The following LRRC9 variants were observed in gnomAD, a reference collection of about 807,000 sequenced individuals.
LRRC9 encodes leucine-rich repeat-containing protein 9.
LRRC9 carries 122 observed loss-of-function variants against 63.2 expected under a neutral mutation model. The ratio of observed to expected loss-of-function variants is 1.93; its 90% CI spans 1.67 to 2.24. LRRC9 has a LOEUF of 2.24. LRRC9 is among the 30% of genes most tolerant of loss of function. The pLI, the probability that LRRC9 is intolerant of heterozygous loss-of-function variation, is 0.00. For missense variants in LRRC9, 1,071 were observed against 627.7 expected (o/e 1.71, Z -7.55); for synonymous variants, 366 against 213.1 (o/e 1.72, Z -6.25).
chr14:59,960,038 T>C lies in LRRC9; in HGVS notation c.1079+24T>C, dbSNP rs924528285. ...GAGTATGTTTAATTAATTATCTAGT[T>C]GTTCTGATCTGAAATGGAGAGAATC... On this transcript the variant is annotated intron_variant, in intron 9 of 31. Transcript: ENST00000445360. 4.8e-6 allele frequency: 3 copies of C among 626,376 alleles called. No individual in the cohort carries two copies. The African/African-American group carries it at 5.5e-5, about 11-fold the overall frequency. 38.8% of individuals were successfully genotyped at this position (626,376 alleles called of 1,614,324 possible).
chr14:60,046,943 G>A (rs986766189), intron 29 of LRRC9, among the ~76,000 whole-genome samples: 1 of 152,262 alleles, frequency 6.6e-6, no homozygotes, highest in Non-Finnish European at 1.5e-5. Flanking sequence ...CCGAGCAGTA[G>A]TTTGTAGTTC....
Position 59,930,928 on chromosome 14 carries a change from G to A in LRRC9, c.278G>A (p.Gly93Asp). ...CCTTTTCTTTTACAGAAAATTGAAG[G>A]TCTTCAAGAATGTAGAAATTTGGAA... The change falls in exon 4 of 32, where the codon GGT becomes GAT. Residue 93 changes from glycine to aspartate, a missense_variant. By Grantham distance (94) the Gly-to-Asp change is moderately conservative (BLOSUM62 -1). Coordinates refer to ENST00000445360, the Ensembl canonical transcript of LRRC9. This position sits in a 1 kb window ranked among gnomAD's most constrained non-coding sequence, Gnocchi z 4.9. 2.3e-6 allele frequency: 1 copy of A among 435,036 alleles called. No homozygotes were observed. Among genetic ancestry groups the A allele is most frequent in the Middle Eastern group, 6.3e-4 (1 of 1,592 alleles). The allele number at this position is 435,036 out of a possible 1,614,324, so 26.9% of individuals were successfully genotyped here. A position where few individuals can be genotyped will look rare whatever the true frequency, so the allele number is the denominator to read the frequency against.
rs116149378 is a variant in LRRC9, at chr14:60,046,855, G to A, written c.3991-6210G>A. Reference sequence around the variant, plus strand: ...TCAATAAATTACTTTTGCTGATATGGCCATTTTCACAATATTGATTCTTCC... The same window carrying A: ...TCAATAAATTACTTTTGCTGATATGACCATTTTCACAATATTGATTCTTCC... On this transcript the variant is annotated intron_variant, in intron 29 of 31. Transcript: ENST00000445360. Among the ~76,000 whole-genome samples, 857 of 152,208 alleles carry A rather than the reference G, an allele frequency of 5.6e-3. 11 individuals are homozygous for A. The highest frequency in any genetic ancestry group is 0.02 in the African/African-American group (836 of 41,522).
At chr14:60,005,604 A>G (rs778582445) in intron 21 of LRRC9, among the ~76,000 whole-genome samples, 3 of 152,072 alleles carry the variant, frequency 2.0e-5, no homozygotes, top group Non-Finnish European at 2.9e-5. Context: ...AACATTGTAC[A>G]GTCCCACAAT....
chr14:59,952,821 G>A (rs555265945), intron 8 of LRRC9, among the ~76,000 whole-genome samples: 17 of 152,076 alleles, frequency 1.1e-4, no homozygotes, highest in Admixed American at 6.5e-4. Context: ...CCCCCACCTC[G>A]CAACAGGACC....
In LRRC9 at chr14:59,924,538, C is replaced by T. The variant is rs191240410; in HGVS notation, c.-33-3373C>T. ...ACTGTCTCCACTGCCTCTACCACCA[C>T]CCTACTCCAATCACCATCCTCTCCC... On this transcript the variant is annotated intron_variant, in intron 1 of 31. Coordinates refer to ENST00000445360, the Ensembl canonical transcript of LRRC9. 5.3e-4 allele frequency among the ~76,000 whole-genome samples: 80 copies of T among 152,288 alleles called. 1 individual carries two copies. The highest frequency in any genetic ancestry group is 1.7e-3 in the African/African-American group (71 of 41,566).
intron 8 of LRRC9, among the ~76,000 whole-genome samples, chr14:59,954,106 C>CT (rs1883465567): frequency 6.6e-6 from 1 of 152,194 alleles, no homozygotes; most frequent in Non-Finnish European, 1.5e-5. Flanking sequence ...ATGCCTTCAG[C>CT]TTTATTCTTC....
Position 59,984,861 on chromosome 14 carries a change from T to A in LRRC9, c.2092-244T>A, listed in dbSNP as rs1054294996. On this transcript the variant is annotated intron_variant, in intron 16 of 31. Coordinates refer to ENST00000445360, the Ensembl canonical transcript of LRRC9. ...CAATTGCTGACAAACTTAGACCAAG[T>A]AAGAAATCATATTAATCAAGAACCA... 7.2e-5 allele frequency among the ~76,000 whole-genome samples: 11 copies of A among 152,322 alleles called. No homozygotes were observed. The East Asian group carries it at 2.1e-3, about 29-fold the overall frequency.
chr14:60,050,788 T>C (rs557605939), intron 29 of LRRC9, among the ~76,000 whole-genome samples: 1 of 152,060 alleles, frequency 6.6e-6, no homozygotes, highest in Non-Finnish European at 1.5e-5. Flanking sequence ...TCTTGTCTGT[T>C]TGTTTGTTCT....
intron 8 of LRRC9, among the ~76,000 whole-genome samples, chr14:59,956,811 T>C (rs1411841080): frequency 2.0e-5 from 3 of 151,768 alleles, no homozygotes; most frequent in Non-Finnish European, 4.4e-5. Context: ...CTTCCTCTTG[T>C]AAGGCAGGCC....
chr14:59,944,675 T>C, exon 8 of LRRC9: 6 of 664,790 alleles, frequency 9.0e-6, no homozygotes, highest in Admixed American at 2.3e-5. Context: ...AAAAACTGAA[T>C]GATCAAAAAT....
intron 17 of LRRC9, among the ~76,000 whole-genome samples, chr14:59,989,070 A>G (rs1381227564): frequency 1.3e-5 from 2 of 152,120 alleles, no homozygotes; most frequent in East Asian, 1.9e-4. Flanking sequence ...CTAGATGGCC[A>G]AATAACTTTT....
In LRRC9 at chr14:60,060,836, A is replaced by G. The variant is rs907577828; in HGVS notation, c.4277-2487A>G. Among the ~76,000 whole-genome samples, 1 of 152,244 alleles carries G rather than the reference A, an allele frequency of 6.6e-6. No individual in the cohort carries two copies. Among genetic ancestry groups the G allele is most frequent in the African/African-American group, 2.4e-5 (1 of 41,470 alleles). On this transcript the variant is annotated intron_variant, in intron 31 of 31. Transcript: ENST00000445360. This position sits in a 1 kb window ranked among gnomAD's most constrained non-coding sequence, Gnocchi z 4.0. ...GAAAGGATTCACCATTCTAGACGCC[A>G]TTAAAAACATTTGTAATTCATCAGA...
chr14:59,993,572 C>G (rs12879335), intron 17 of LRRC9, among the ~76,000 whole-genome samples: 113,137 of 151,366 alleles, frequency 0.75, 44,399 homozygotes, highest in Non-Finnish European at 0.87. Flanking sequence ...AAACCCATCT[C>G]ACGTGCAGAG....
At chr14:60,057,009 G>A (rs1056371615) in intron 30 of LRRC9, among the ~76,000 whole-genome samples, 3 of 152,120 alleles carry the variant, frequency 2.0e-5, no homozygotes, top group Non-Finnish European at 2.9e-5. Flanking sequence ...AAAGGAATTC[G>A]TTAGGGAATT....
Position 60,027,884 on chromosome 14 carries a change from G to A in LRRC9, c.3704G>A (p.Gly1235Asp), listed in dbSNP as rs1335720840. Reference sequence around the variant, plus strand: ...TATATCATGACTTATCTCTTTTTAGGTAATGAAATCAGCCAAGTTGAAGGG... The same window carrying A: ...TATATCATGACTTATCTCTTTTTAGATAATGAAATCAGCCAAGTTGAAGGG... The change falls in exon 28 of 32, where the codon GGT becomes GAT. Residue 1235 changes from glycine to aspartate, a missense_variant and splice_region_variant. Gly to Asp is a moderately conservative substitution (Grantham distance 94). Transcript: ENST00000445360. The surrounding 1 kb of genome is among the most constrained non-coding windows in gnomAD (Gnocchi z 4.0). 5 of 697,400 alleles carry A rather than the reference G, an allele frequency of 7.2e-6. No homozygotes were observed. The highest frequency in any genetic ancestry group is 1.0e-5 in the Non-Finnish European group (4 of 382,524). The allele number at this position is 697,400 out of a possible 1,614,324, so 43.2% of individuals were successfully genotyped here. A position where few individuals can be genotyped will look rare whatever the true frequency, so the allele number is the denominator to read the frequency against.
At chr14:59,978,621 A>G (rs1345888423) in intron 15 of LRRC9, among the ~76,000 whole-genome samples, 3 of 152,154 alleles carry the variant, frequency 2.0e-5, no homozygotes, top group African/African-American at 4.8e-5. Flanking sequence ...GTACATATAG[A>G]TGGGTATTTC....
In LRRC9 at chr14:60,040,093, C is replaced by T. The variant is rs945846854; in HGVS notation, c.3990+8030C>T. On this transcript the variant is annotated intron_variant, in intron 29 of 31. Coordinates refer to ENST00000445360, the Ensembl canonical transcript of LRRC9. ...GCGGTTTTGAGTGAGTTTCTGAATC[C>T]TGAGTTCTAGTTTGATTGCACTGTG... is the stretch of plus-strand genomic sequence containing the variant. Among the ~76,000 whole-genome samples, 21 of 151,940 alleles carry T rather than the reference C, an allele frequency of 1.4e-4. 1 individual carries two copies. Among genetic ancestry groups the T allele is most frequent in the African/African-American group, 4.6e-4 (19 of 41,196 alleles).
chr14:59,960,447 G>A (rs1052033957), intron 9 of LRRC9, among the ~76,000 whole-genome samples: 4 of 152,158 alleles, frequency 2.6e-5, no homozygotes, highest in African/African-American at 9.7e-5. Flanking sequence ...ATTTACTAAG[G>A]CACTAAGTGG....
Sources: gnomAD v4.1 joint callset for allele counts (sites outside exome capture counted in the v4.1 genomes callset) on GRCh38, gnomAD v4.1.1 for gene constraint, Gnocchi (gnomAD v3.1) non-coding constraint, MANE v1.5 for transcripts, NCBI Gene and HGNC (gene_info 2026-07-23, HGNC 2026-07-21) for gene names.